The following ADGRG5 variants were observed in gnomAD, a reference collection of about 807,000 sequenced individuals.
ADGRG5 encodes adhesion G protein-coupled receptor G5.
ADGRG5 carries 37 observed loss-of-function variants against 53.2 expected under a neutral mutation model. The observed-to-expected ratio is 0.70, with a 90% CI of 0.53 to 0.91. The LOEUF (loss-of-function observed/expected upper bound fraction) is 0.91, where lower values mean the gene tolerates loss of function less well. Among genes scored for constraint, ADGRG5 ranks in the 40% least tolerant of loss-of-function variants. The probability of loss-of-function intolerance (pLI) is 0.00; values close to 1 mark genes in which losing one functional copy is unlikely to be tolerated. For synonymous variants in ADGRG5, 277 were observed against 290.4 expected (o/e 0.95, Z 0.47); for missense variants, 614 against 675.8 (o/e 0.91, Z 1.01).
intron 1 of ADGRG5, among the ~76,000 whole-genome samples, chr16:57,545,728 T>G (rs1598091011): frequency 6.6e-6 from 1 of 152,354 alleles, no homozygotes; most frequent in East Asian, 1.9e-4. Context: ...ATTTAATTAG[T>G]CCCGTGTTCA....
At chr16:57,568,232 A>C in intron 9 of ADGRG5, 108 bp downstream of exon 9, 1 of 1,126,376 alleles carries the variant, frequency 8.9e-7, no homozygotes, top group South Asian at 1.4e-5. Context: ...TGGCCATTAC[A>C]TGACCACCAG....
In ADGRG5 at chr16:57,567,995, C is replaced by T. The variant is rs761013375; in HGVS notation, c.961C>T (p.Leu321=). 3 of 1,614,100 alleles carry T rather than the reference C, an allele frequency of 1.9e-6. No homozygotes were observed. The highest frequency in any genetic ancestry group is 2.5e-6 in the Non-Finnish European group (3 of 1,179,978). ...GSACTALAAA[L]HYALLSCLTW... is the part of the protein sequence containing the mutation. ...AGCATGCACGGCTCTGGCCGCTGCCCTGCACTACGCGCTGCTCAGCTGCCT... is the reference window on the plus strand; with the variant it reads ...AGCATGCACGGCTCTGGCCGCTGCCTTGCACTACGCGCTGCTCAGCTGCCT... Residue 321 remains leucine, a synonymous_variant, in exon 9 of 12, where the codon CTG becomes TTG. Transcript: ENST00000349457.
chr16:57,568,037 G>A lies in ADGRG5; in HGVS notation c.1003G>A (p.Glu335Lys), dbSNP rs2033192890. 2.5e-6 allele frequency: 4 copies of A among 1,613,894 alleles called. No homozygotes were observed. The highest frequency in any genetic ancestry group is 1.1e-5 in the South Asian group (1 of 91,088). The part of the protein sequence containing the change: ...LLSCLTWMAI[E>K]GFNLYLLLGR... ...CAGCTGCCTCACCTGGATGGCCATCGAGGGCTTCAACCTCTACCTCCTCCT... is the reference window on the plus strand; with the variant it reads ...CAGCTGCCTCACCTGGATGGCCATCAAGGGCTTCAACCTCTACCTCCTCCT... Residue 335 changes from glutamate to lysine, a missense_variant, in exon 9 of 12, where the codon GAG becomes AAG. Physicochemically the swap from Glu to Lys is moderately conservative, Grantham distance 56. Coordinates refer to ENST00000349457, the MANE Select transcript of ADGRG5 (RefSeq NM_001304376.3).
intron 1 of ADGRG5, among the ~76,000 whole-genome samples, chr16:57,548,699 A>G (rs1485548500): frequency 1.4e-5 from 2 of 145,258 alleles, no homozygotes; most frequent in Non-Finnish European, 3.0e-5. Context: ...ATCACACAGC[A>G]TGCAACATTT....
intron 1 of ADGRG5, among the ~76,000 whole-genome samples, chr16:57,543,345 C>T (rs1469624283): frequency 7.9e-6 from 1 of 127,352 alleles, no homozygotes; most frequent in Non-Finnish European, 1.5e-5. Context: ...TGCAGTGGTG[C>T]GATCTCGGCT....
intron 11 of ADGRG5, 35 bp downstream of exon 11, chr16:57,575,127 G>T: frequency 6.3e-7 from 1 of 1,587,510 alleles, no homozygotes; most frequent in Non-Finnish European, 8.6e-7. Context: ...GAAGCTACCT[G>T]GCAGGGGGTG....
chr16:57,574,899 G>C lies in ADGRG5; in HGVS notation c.1293G>C (p.Leu431=), dbSNP rs1381545675. ...GLTSLFNLVV[L]AWALWTLRRL... ...CGTCCCTCTTCAACCTGGTGGTGCT[G>C]GCCTGGGCGCTGTGGACCCTGCGCA... Residue 431 remains leucine, a synonymous_variant, in exon 11 of 12, where the codon CTG becomes CTC. Transcript: ENST00000349457. The surrounding 1 kb of genome is among the most constrained non-coding windows in gnomAD (Gnocchi z 4.4). 8.7e-6 allele frequency: 14 copies of C among 1,612,722 alleles called. 1 individual carries two copies. In the Admixed American group the frequency reaches 1.3e-4, roughly 15 times the overall value.
Position 57,574,698 on chromosome 16 carries a change from C to G in ADGRG5, c.1209-117C>G. On this transcript the variant is annotated intron_variant, in intron 10 of 11. Transcript: ENST00000349457. The surrounding 1 kb of genome is among the most constrained non-coding windows in gnomAD (Gnocchi z 4.4). ...TGAGGGGTTTCACTGTGTGTTCAGT[C>G]AGGCAAGAAACAATAGGGCCTGAGC... 8.6e-7 allele frequency: 1 copy of G among 1,157,770 alleles called. No homozygotes were observed. The highest frequency in any genetic ancestry group is 1.2e-6 in the Non-Finnish European group (1 of 841,806). The allele number at this position is 1,157,770 out of a possible 1,614,324, so 71.7% of individuals were successfully genotyped here.
At chr16:57,572,849 C>G (rs555869565) in intron 10 of ADGRG5, among the ~76,000 whole-genome samples, 24 of 152,306 alleles carry the variant, frequency 1.6e-4, no homozygotes, top group African/African-American at 5.5e-4. Context: ...TGGAGGAATC[C>G]CAAAATAATG....
chr16:57,566,660 G>GT lies in ADGRG5; in HGVS notation c.608_609insT (p.Trp204LeufsTer4). 6.3e-7 allele frequency: 1 copy of GT among 1,591,934 alleles called. No homozygotes were observed. The highest frequency in any genetic ancestry group is 8.5e-7 in the Non-Finnish European group (1 of 1,169,908). ...GGAGCCAGGAAACAGCCCTGGGGGG[G>GT]CTGGAGCCCTGAGGGCTGTCGTACA... On this transcript the variant is annotated frameshift_variant, in exon 7 of 12. Coordinates refer to ENST00000349457, the MANE Select transcript of ADGRG5 (RefSeq NM_001304376.3). LOFTEE classifies it high-confidence loss of function.
intron 10 of ADGRG5, among the ~76,000 whole-genome samples, chr16:57,573,833 T>G (rs1466924536): frequency 6.6e-6 from 1 of 152,186 alleles, no homozygotes; most frequent in African/African-American, 2.4e-5. Flanking sequence ...GTGATTCTCC[T>G]GCCTCAGCCT....
At chr16:57,552,611 G>A (rs147515550) in intron 1 of ADGRG5, among the ~76,000 whole-genome samples, 66 of 152,298 alleles carry the variant, frequency 4.3e-4, no homozygotes, top group Admixed American at 7.8e-4. Flanking sequence ...AACGTTGGCC[G>A]GGGGCTGGTT....
intron 10 of ADGRG5, among the ~76,000 whole-genome samples, chr16:57,571,258 G>C (rs1193084190): frequency 1.3e-5 from 2 of 152,144 alleles, no homozygotes; most frequent in Non-Finnish European, 1.5e-5. Flanking sequence ...GGTATCAGCT[G>C]GCTTCGTTTT....
At position 57,567,563 on chromosome 16, in the gene ADGRG5, A is replaced by G. The variant is rs1476350342; in HGVS notation, c.793A>G (p.Ile265Val). 6.2e-7 allele frequency: 1 copy of G among 1,611,440 alleles called. No individual in the cohort carries two copies. The highest frequency in any genetic ancestry group is 1.3e-5 in the African/African-American group (1 of 74,890). ...GCSISIVASL[I>V]TVLLHFHFRK... ...CAGCATCTCCATCGTGGCCTCGCTG[A>G]TCACAGTCCTGCTGCACTTCCATTT... Residue 265 changes from isoleucine to valine, a missense_variant, in exon 8 of 12, where the codon ATC becomes GTC. Transcript: ENST00000349457.
At chr16:57,573,428 C>CAAAA (rs35195501) in intron 10 of ADGRG5, among the ~76,000 whole-genome samples, 2 of 76,606 alleles carry the variant, frequency 2.6e-5, no homozygotes, top group Non-Finnish European at 5.6e-5. Context: ...GACTCCCTCT[C>CAAAA]AAAAAAAAAA....
At chr16:57,573,405 GC>G (rs150991591) in intron 10 of ADGRG5, among the ~76,000 whole-genome samples, 344 of 141,472 alleles carry the variant, frequency 2.4e-3, no homozygotes, top group African/African-American at 8.7e-3. Context: ...CTGCACTCCA[GC>G]CTGGTGACAG....
intron 6 of ADGRG5, chr16:57,565,584 C>G: frequency 4.4e-6 from 1 of 229,296 alleles, no homozygotes; most frequent in East Asian, 8.8e-5. Context: ...AGGCTCTTCC[C>G]CCGACTCCCC....
intron 9 of ADGRG5, among the ~76,000 whole-genome samples, chr16:57,568,412 C>T (rs553902517): frequency 1.3e-5 from 2 of 151,742 alleles, no homozygotes; most frequent in Non-Finnish European, 2.9e-5. Context: ...ACCTCCTCCA[C>T]CTTCATTATC....
In ADGRG5 at chr16:57,570,418, G is replaced by C. The variant is rs749931320; in HGVS notation, c.1091G>C (p.Gly364Ala). 3.5e-5 allele frequency: 56 copies of C among 1,610,592 alleles called. No homozygotes were observed. Among genetic ancestry groups the C allele is most frequent in the Non-Finnish European group, 4.5e-5 (53 of 1,179,060 alleles). The change falls in exon 10 of 12, where the codon GGG (glycine) becomes GCG (alanine). Residue 364 changes from glycine (G) to alanine (A), a missense_variant and splice_region_variant. Coordinates refer to ENST00000349457, the MANE Select transcript of ADGRG5 (RefSeq NM_001304376.3). ...YVFKLGVLGWGAPALLVLLSL... is the reference protein window; with the variant it reads ...YVFKLGVLGWAAPALLVLLSL... ...CCTGAGCCTTTGTCCCACCCCTCAG[G>C]GGCCCCAGCCCTCCTGGTGCTGCTT...
Sources: gnomAD v4.1 joint callset for allele counts (sites outside exome capture counted in the v4.1 genomes callset) on GRCh38, gnomAD v4.1.1 for gene constraint, Gnocchi (gnomAD v3.1) non-coding constraint, MANE v1.5 for transcripts, NCBI Gene and HGNC (gene_info 2026-07-23, HGNC 2026-07-21) for gene names.